Variants in TSPAN13 observed in about 807,000 individuals in gnomAD.
TSPAN13 encodes tetraspanin-13.
TSPAN13 carries 18 observed loss-of-function variants against 26.9 expected under a neutral mutation model. That is an observed-to-expected ratio of 0.67 (90% CI 0.46 to 0.99). TSPAN13 has a LOEUF of 0.99. TSPAN13 is among the 50% of genes least tolerant of loss of function. TSPAN13 has a pLI of 0.00. For synonymous variants in TSPAN13, 116 were observed against 98.4 expected, an observed-to-expected ratio of 1.18 and a Z score of -1.06; for missense variants, 201 against 249.6, an observed-to-expected ratio of 0.81 and a Z score of 1.31.
chr7:16,768,177 G>A (rs979754690), intron 1 of TSPAN13, among the ~76,000 whole-genome samples: 2 of 152,198 alleles, frequency 1.3e-5, no homozygotes, highest in African/African-American at 4.8e-5. Context: ...GCCTTCCAAA[G>A]TGCTGGGATT....
chr7:16,781,286 G>T (rs1784811146), intron 5 of TSPAN13, among the ~76,000 whole-genome samples: 1 of 152,054 alleles, frequency 6.6e-6, no homozygotes, highest in Admixed American at 6.6e-5. Flanking sequence ...TCTATATTTA[G>T]TAAAATGAGT....
At position 16,783,770 on chromosome 7, in the gene TSPAN13, T is replaced by C. The variant is rs1784840588; in HGVS notation, c.*279T>C. ...CCACTGTGGCCTTTCTTAGCATTTTTACCTGCAGAAAAACTTTGTATGGTA... is the reference window on the plus strand; with the variant it reads ...CCACTGTGGCCTTTCTTAGCATTTTCACCTGCAGAAAAACTTTGTATGGTA... On this transcript the variant is annotated 3_prime_UTR_variant, in exon 6 of 6. Coordinates refer to ENST00000262067, the MANE Select transcript of TSPAN13 (RefSeq NM_014399.4). The C allele has an allele frequency of 2.3e-6, 1 of 434,944 alleles. No individual in the cohort carries two copies. Among genetic ancestry groups the C allele is most frequent in the South Asian group, 3.2e-5 (1 of 31,186 alleles). 26.9% of individuals were successfully genotyped at this position (434,944 alleles called of 1,614,324 possible). A position where few individuals can be genotyped will look rare whatever the true frequency, so the allele number is the denominator to read the frequency against.
At chr7:16,754,968 T>G (rs1392826323) in intron 1 of TSPAN13, among the ~76,000 whole-genome samples, 1 of 152,126 alleles carries the variant, frequency 6.6e-6, no homozygotes, top group Admixed American at 6.5e-5. Flanking sequence ...ACCAAAAAGG[T>G]TTTAGTAAGT....
At chr7:16,771,816 T>A (rs1784682759) in intron 1 of TSPAN13, among the ~76,000 whole-genome samples, 1 of 152,184 alleles carries the variant, frequency 6.6e-6, no homozygotes, top group African/African-American at 2.4e-5. Flanking sequence ...GACTGCCTGG[T>A]AGTGGTAATT....
intron 5 of TSPAN13, among the ~76,000 whole-genome samples, chr7:16,783,109 T>C (rs1438238934): frequency 1.3e-5 from 2 of 152,202 alleles, no homozygotes; most frequent in Non-Finnish European, 2.9e-5. Flanking sequence ...TCTCTTTATC[T>C]TGAGACCCTT....
At chr7:16,768,314 A>C (rs1200249829) in intron 1 of TSPAN13, among the ~76,000 whole-genome samples, 1 of 152,080 alleles carries the variant, frequency 6.6e-6, no homozygotes, top group African/African-American at 2.4e-5. Flanking sequence ...CAGAAGTTTA[A>C]ATTTGTAACA....
At chr7:16,778,625 C>G (rs949404611) in intron 4 of TSPAN13, among the ~76,000 whole-genome samples, 3 of 152,208 alleles carry the variant, frequency 2.0e-5, no homozygotes, top group African/African-American at 7.2e-5. Flanking sequence ...CAACTAGAAG[C>G]TGCTCTCAGG....
intron 1 of TSPAN13, among the ~76,000 whole-genome samples, chr7:16,770,667 AT>A (rs2035272981): frequency 6.6e-6 from 1 of 151,350 alleles, no homozygotes; most frequent in Non-Finnish European, 1.5e-5. Flanking sequence ...TGATTTTTTG[AT>A]TGGCAGCAAT....
At chr7:16,757,137 G>T (rs1287598610) in intron 1 of TSPAN13, among the ~76,000 whole-genome samples, 3 of 152,106 alleles carry the variant, frequency 2.0e-5, no homozygotes, top group African/African-American at 7.2e-5. Flanking sequence ...CTGACTTTAG[G>T]TACCATAAAA....
intron 1 of TSPAN13, among the ~76,000 whole-genome samples, chr7:16,762,894 T>C (rs1784560789): frequency 6.6e-6 from 1 of 152,156 alleles, no homozygotes; most frequent in African/African-American, 2.4e-5. Context: ...TGAAATATTA[T>C]CGACACAGTA....
chr7:16,754,291 C>T (rs1784457230), intron 1 of TSPAN13, among the ~76,000 whole-genome samples: 1 of 152,198 alleles, frequency 6.6e-6, no homozygotes, highest in Non-Finnish European at 1.5e-5. Context: ...ATTGCTCCAC[C>T]CCGCCCCCTC....
intron 1 of TSPAN13, among the ~76,000 whole-genome samples, chr7:16,768,233 G>A (rs1433255614): frequency 1.3e-5 from 2 of 152,168 alleles, no homozygotes; most frequent in Non-Finnish European, 2.9e-5. Context: ...TTTTTAATAT[G>A]TGTGCTGGAA....
At chr7:16,777,969 A>G in intron 4 of TSPAN13, 58 bp downstream of exon 4, 4 of 1,255,042 alleles carry the variant, frequency 3.2e-6, no homozygotes, top group African/African-American at 1.5e-5. Context: ...ATAATGATTA[A>G]TGTGGAAGAA....
At chr7:16,754,765 G>C (rs1309120796) in intron 1 of TSPAN13, among the ~76,000 whole-genome samples, 1 of 152,096 alleles carries the variant, frequency 6.6e-6, no homozygotes, top group Admixed American at 6.6e-5. Context: ...GGGCCTCTTA[G>C]TTTTAACGCT....
intron 1 of TSPAN13, among the ~76,000 whole-genome samples, chr7:16,762,798 A>G (rs955878251): frequency 6.6e-6 from 1 of 152,160 alleles, no homozygotes; most frequent in Admixed American, 6.5e-5. Context: ...AACTCTAGGT[A>G]CCATGAATTG....
At chr7:16,764,915 C>G (rs528098631) in intron 1 of TSPAN13, among the ~76,000 whole-genome samples, 50 of 144,542 alleles carry the variant, frequency 3.5e-4, no homozygotes, top group African/African-American at 1.3e-3. Context: ...CTCTCTGTCT[C>G]TGTTTTGTTT....
At position 16,779,011 on chromosome 7, in the gene TSPAN13, T is replaced by C. The variant is rs780434388; in HGVS notation, c.435T>C (p.Val145=). Residue 145 remains valine (V), a synonymous_variant, in exon 5 of 6, where the codon GTT becomes GTC. Transcript: ENST00000262067. ...NPNDTCLASC[V]KSDHSCSPCA... ...TACTTTAATTGGTGCAGAGCTGTGT[T>C]AAAAGTGACCACTCGTGCTCGCCAT... 6.2e-6 allele frequency: 10 copies of C among 1,612,246 alleles called. No individual in the cohort carries two copies. The highest frequency in any genetic ancestry group is 8.5e-6 in the Non-Finnish European group (10 of 1,179,360).
At position 16,779,131 on chromosome 7, in the gene TSPAN13, C is replaced by G. The variant is rs1784786743; in HGVS notation, c.540+15C>G. ...GTTTTACAGAGGTATGTGCAAATAA[C>G]AATATTTTTCCTCCTTTGTCACAGA... On this transcript the variant is annotated intron_variant, in intron 5 of 5. Transcript: ENST00000262067. The G allele has an allele frequency of 6.3e-7, 1 of 1,582,090 alleles. No individual in the cohort carries two copies. The highest frequency in any genetic ancestry group is 2.2e-5 in the East Asian group (1 of 44,668).
Position 16,753,964 on chromosome 7 carries a change from C to A in TSPAN13, c.-4C>A. 2 of 1,612,618 alleles carry A rather than the reference C, an allele frequency of 1.2e-6. No homozygotes were observed. Among genetic ancestry groups the A allele is most frequent in the Non-Finnish European group, 1.7e-6 (2 of 1,179,380 alleles). On this transcript the variant is annotated 5_prime_UTR_variant, in exon 1 of 6. Transcript: ENST00000262067. ...TGCAGCTGCCGGCAACCACAGGTTC[C>A]AAGATGGTTTGCGGGGGCTTCGCGT...
Sources: allele counts gnomAD v4.1 joint callset (sites outside exome capture counted in the v4.1 genomes callset), GRCh38; gene constraint gnomAD v4.1.1; transcripts MANE v1.5; gene names NCBI Gene and HGNC (gene_info 2026-07-23, HGNC 2026-07-21).